Variants in SPTAN1 observed in about 807,000 individuals in gnomAD.
The protein encoded by SPTAN1 is spectrin alpha, non-erythrocytic 1.
SPTAN1 carries 61 observed loss-of-function variants against 331.3 expected under a neutral mutation model. The observed-to-expected ratio is 0.18, with a 90% CI of 0.15 to 0.23. SPTAN1 has a LOEUF of 0.23. Among genes scored for constraint, SPTAN1 ranks in the 10% least tolerant of loss-of-function variants. The pLI is 1.00. For missense variants in SPTAN1, 2,043 were observed against 3,147.9 expected, an observed-to-expected ratio of 0.65 and a Z score of 8.40; for synonymous variants, 1,153 against 1,173.9, an observed-to-expected ratio of 0.98 and a Z score of 0.36.
intron 1 of SPTAN1, among the ~76,000 whole-genome samples, chr9:128,558,687 TTC>T (rs1291576260): frequency 6.6e-6 from 1 of 152,176 alleles, no homozygotes; most frequent in Non-Finnish European, 1.5e-5. Flanking sequence ...GCCTGGAACG[TTC>T]TCTGTGAAGT....
intron 55 of SPTAN1, 41 bp downstream of exon 55, chr9:128,632,759 G>C (rs768103982): frequency 6.2e-7 from 1 of 1,613,988 alleles, no homozygotes. Context: ...CTCTGCCCGG[G>C]GCACCCACCT....
At chr9:128,632,768 C>G in intron 55 of SPTAN1, 40 bp from the exon 56 acceptor site, 1 of 1,614,046 alleles carries the variant, frequency 6.2e-7, no homozygotes, top group Non-Finnish European at 8.5e-7. Flanking sequence ...GGGCACCCAC[C>G]TGCCCTCCCT....
In SPTAN1 at chr9:128,578,174, A is replaced by G. The variant is rs1277450179; in HGVS notation, c.1150A>G (p.Ile384Val). 6.2e-7 allele frequency: 1 copy of G among 1,614,192 alleles called. No homozygotes were observed. Among genetic ancestry groups the G allele is most frequent in the Middle Eastern group, 1.6e-4 (1 of 6,062 alleles). ...TSWVTEMKAL[I>V]NADELASDVA... ...CTGGGTGACTGAGATGAAAGCCCTC[A>G]TCAATGCAGATGAGCTTGCCAGTGA... The change falls in exon 9 of 57, where the codon ATC becomes GTC. Residue 384 changes from isoleucine to valine, a missense_variant. Physicochemically the swap from Ile to Val is conservative, Grantham distance 29. Transcript: ENST00000372739.
At chr9:128,597,454 G>A (rs117770059) in intron 24 of SPTAN1, among the ~76,000 whole-genome samples, 2,597 of 152,236 alleles carry the variant, frequency 0.017, 36 homozygotes, top group South Asian at 0.043. Context: ...AGCCTGGGAG[G>A]TAGAGACTGC....
intron 5 of SPTAN1, among the ~76,000 whole-genome samples, chr9:128,576,619 A>G (rs1046939730): frequency 6.6e-6 from 1 of 152,206 alleles, no homozygotes; most frequent in Non-Finnish European, 1.5e-5. Context: ...ACTCCAAAAG[A>G]TAGAGAATGG....
At chr9:128,560,179 GTT>G in intron 1 of SPTAN1, among the ~76,000 whole-genome samples, 1 of 147,814 alleles carries the variant, frequency 6.8e-6, no homozygotes, top group South Asian at 2.2e-4. Flanking sequence ...AGCCTCCCGG[GTT>G]CTGGCAATTC....
chr9:128,590,863 T>C (rs554257149), intron 21 of SPTAN1, among the ~76,000 whole-genome samples: 1 of 150,528 alleles, frequency 6.6e-6, no homozygotes, highest in Non-Finnish European at 1.5e-5. Context: ...TAAAAAAGAG[T>C]TCTAACTCAA....
At chr9:128,573,406 A>G (rs1292254593) in intron 3 of SPTAN1, among the ~76,000 whole-genome samples, 2 of 152,172 alleles carry the variant, frequency 1.3e-5, no homozygotes, top group Non-Finnish European at 2.9e-5. Flanking sequence ...AGTTTTTTCT[A>G]TCAGGGATCC....
At chr9:128,554,243 C>T (rs1028227723) in intron 1 of SPTAN1, among the ~76,000 whole-genome samples, 10 of 152,160 alleles carry the variant, frequency 6.6e-5, no homozygotes, top group Admixed American at 2.0e-4. Flanking sequence ...AGGATTTTTG[C>T]TTCATCCTGG....
chr9:128,610,734 C>T (rs1856471546), intron 37 of SPTAN1, among the ~76,000 whole-genome samples: 1 of 152,190 alleles, frequency 6.6e-6, no homozygotes, highest in African/African-American at 2.4e-5. Flanking sequence ...CGCCCAGGAT[C>T]AGGAGCCCAT....
chr9:128,562,990 G>GTGTA (rs1166068210), intron 1 of SPTAN1, among the ~76,000 whole-genome samples: 4 of 1,776 alleles, frequency 2.3e-3, no homozygotes, highest in African/African-American at 3.1e-3. Context: ...ATACATGTAT[G>GTGTA]TGTATATATA....
chr9:128,629,818 C>G lies in SPTAN1; in HGVS notation c.6708-503C>G. On this transcript the variant is annotated intron_variant, in intron 51 of 56. Coordinates refer to ENST00000372739, the MANE Select transcript of SPTAN1 (RefSeq NM_001130438.3). This position sits in a 1 kb window ranked among gnomAD's most constrained non-coding sequence, Gnocchi z 4.9. ...CCAGCACTCCACTTGTGTCCTTTGTCTGCAGGGTCGTGCTCTCATTCCCCC... is the reference window on the plus strand; with the variant it reads ...CCAGCACTCCACTTGTGTCCTTTGTGTGCAGGGTCGTGCTCTCATTCCCCC... 3.5e-6 allele frequency: 1 copy of G among 285,158 alleles called. No individual in the cohort carries two copies. The highest frequency in any genetic ancestry group is 2.2e-5 in the African/African-American group (1 of 45,848). The allele number at this position is 285,158 out of a possible 1,614,324, so 17.7% of individuals were successfully genotyped here.
intron 1 of SPTAN1, among the ~76,000 whole-genome samples, chr9:128,554,201 A>T (rs1848415598): frequency 6.6e-6 from 1 of 152,228 alleles, no homozygotes; most frequent in Admixed American, 6.5e-5. Context: ...GTTAACTGTT[A>T]TCCAGGGACC....
In SPTAN1 at chr9:128,632,268, C is replaced by T. The variant is rs1415001457; in HGVS notation, c.6904C>T (p.Leu2302=). 6.2e-7 allele frequency: 1 copy of T among 1,613,370 alleles called. No individual in the cohort carries two copies. The highest frequency in any genetic ancestry group is 8.5e-7 in the Non-Finnish European group (1 of 1,180,016). The change falls in exon 53 of 57, where the codon CTG becomes TTG. Residue 2302 remains leucine, a synonymous_variant. Transcript: ENST00000372739. ...GGGCCTCGCCCAGCAGTGGGACCAG[C>T]TGGACCAGCTGGGCATGCGCATGCA... The part of the protein sequence containing the change: ...TVGLAQQWDQ[L]DQLGMRMQHN...
At position 128,630,693 on chromosome 9, in the gene SPTAN1, A is replaced by G. The variant is rs1445755659; in HGVS notation, c.6762+318A>G. The G allele has an allele frequency of 2.2e-5, 7 of 317,470 alleles. No homozygotes were observed. In the East Asian group the frequency reaches 5.1e-4, roughly 23 times the overall value. The allele number at this position is 317,470 out of a possible 1,614,324, so 19.7% of individuals were successfully genotyped here. On this transcript the variant is annotated intron_variant, in intron 52 of 56. Transcript: ENST00000372739. ...CAGATGTGTGCCACCACATTTGGCTAATTTTTGTTTATTTTTAATTATCTT... is the reference window on the plus strand; with the variant it reads ...CAGATGTGTGCCACCACATTTGGCTGATTTTTGTTTATTTTTAATTATCTT...
rs754916401 is a variant in SPTAN1, at chr9:128,581,062, A to G, written c.1461+3A>G. ...ACAACTGGATGAGCAAGCAGGAGGT[A>G]ATCTGTGAGCAAAGCCTTGCCAGTG... is the stretch of plus-strand genomic sequence containing the variant. On this transcript the variant is annotated splice_donor_region_variant and intron_variant, in intron 11 of 56. Coordinates refer to ENST00000372739, the MANE Select transcript of SPTAN1 (RefSeq NM_001130438.3). 2.2e-5 allele frequency: 36 copies of G among 1,613,852 alleles called. No individual in the cohort carries two copies. Among genetic ancestry groups the G allele is most frequent in the Non-Finnish European group, 3.1e-5 (36 of 1,180,036 alleles).
chr9:128,560,104 G>A (rs1238287646), intron 1 of SPTAN1, among the ~76,000 whole-genome samples: 9 of 57,646 alleles, frequency 1.6e-4, no homozygotes, highest in African/African-American at 6.0e-4. Context: ...TTTTTTAAGA[G>A]ACAGAGTCTC....
chr9:128,571,600 AT>A (rs1482799765), intron 3 of SPTAN1, among the ~76,000 whole-genome samples: 9 of 152,216 alleles, frequency 5.9e-5, no homozygotes, highest in African/African-American at 1.7e-4. Flanking sequence ...AAGTAAAAAA[AT>A]AAAATAAAAT....
chr9:128,555,702 T>G (rs1421256984), intron 1 of SPTAN1, among the ~76,000 whole-genome samples: 1 of 151,844 alleles, frequency 6.6e-6, no homozygotes, highest in Non-Finnish European at 1.5e-5. Context: ...ACCATTCTGG[T>G]GTTTGCATGT....
Sources: allele counts gnomAD v4.1 joint callset (sites outside exome capture counted in the v4.1 genomes callset), GRCh38; gene constraint gnomAD v4.1.1; non-coding constraint Gnocchi (gnomAD v3.1); transcripts MANE v1.5; gene names NCBI Gene and HGNC (gene_info 2026-07-23, HGNC 2026-07-21).